PTPRT: variants seen among roughly 807,000 people sequenced by gnomAD.
PTPRT encodes the protein receptor-type tyrosine-protein phosphatase T.
Under a neutral mutation model 176.8 loss-of-function variants are expected in PTPRT, and 56 were observed. That is an observed-to-expected ratio of 0.32 (90% CI 0.26 to 0.40). PTPRT has a LOEUF of 0.40. PTPRT is among the 10% of genes least tolerant of loss of function. PTPRT has a pLI of 1.00. For missense variants in PTPRT, 1,540 were observed against 1,908.2 expected, an observed-to-expected ratio of 0.81 and a Z score of 3.60; for synonymous variants, 783 against 739.0, an observed-to-expected ratio of 1.06 and a Z score of -0.96.
chr20:42,126,240 C>G (rs558379851), intron 19 of PTPRT, among the ~76,000 whole-genome samples: 108 of 152,298 alleles, frequency 7.1e-4, no homozygotes, highest in Middle Eastern at 3.4e-3. Flanking sequence ...AGCCACCCAT[C>G]ATAGGACCCC....
At chr20:42,999,084 T>C (rs1383714306) in intron 1 of PTPRT, among the ~76,000 whole-genome samples, 1 of 152,212 alleles carries the variant, frequency 6.6e-6, no homozygotes, top group African/African-American at 2.4e-5. Flanking sequence ...CATCTCTTTA[T>C]AGGCAACTAA....
At chr20:42,812,099 C>T (rs1324599387) in intron 2 of PTPRT, among the ~76,000 whole-genome samples, 1 of 151,134 alleles carries the variant, frequency 6.6e-6, no homozygotes, top group East Asian at 1.9e-4. Context: ...GGAGGATATT[C>T]TTGTGTCTAG....
intron 9 of PTPRT, among the ~76,000 whole-genome samples, chr20:42,446,683 G>T (rs935853317): frequency 1.3e-5 from 2 of 150,322 alleles, no homozygotes; most frequent in Non-Finnish European, 3.0e-5. Flanking sequence ...GAAGTGACTG[G>T]ATTTTGTTTC....
rs2146291216 is a variant in PTPRT at position 42,110,386 on chromosome 20, G to A, written c.3201C>T (p.Arg1067=). 1 of 1,612,692 alleles carries A rather than the reference G, an allele frequency of 6.2e-7. No homozygotes were observed. The highest frequency in any genetic ancestry group is 8.5e-7 in the Non-Finnish European group (1 of 1,178,916). The change falls in exon 23 of 31, where the codon CGC becomes CGT. Residue 1067 remains arginine (R), a synonymous_variant. Transcript: ENST00000373187. ...CCGGGGGGTTGAGGAACTTGACCTG[G>A]CGGACGAAGCCCAGAAGGCCAGTGG... is the stretch of plus-strand genomic sequence containing the variant. ...CYATGLLGFV[R]QVKFLNPPEA...
intron 1 of PTPRT, among the ~76,000 whole-genome samples, chr20:43,020,019 A>G (rs1985585006): frequency 6.6e-6 from 1 of 151,534 alleles, no homozygotes; most frequent in Non-Finnish European, 1.5e-5. Flanking sequence ...CTCAGCCTCC[A>G]TAATTGAGTG....
intron 6 of PTPRT, among the ~76,000 whole-genome samples, chr20:42,689,437 G>A (rs912205028): frequency 6.6e-6 from 1 of 152,088 alleles, no homozygotes; most frequent in Non-Finnish European, 1.5e-5. Flanking sequence ...CACCTCCACG[G>A]ATAAAACCTC....
intron 11 of PTPRT, among the ~76,000 whole-genome samples, chr20:42,343,707 G>T (rs573746850): frequency 6.6e-6 from 1 of 152,220 alleles, no homozygotes; most frequent in Non-Finnish European, 1.5e-5. Flanking sequence ...ATCACCCCTG[G>T]AGATGAGTGT....
chr20:42,159,176 A>T (rs1989479321), intron 17 of PTPRT, among the ~76,000 whole-genome samples: 1 of 149,080 alleles, frequency 6.7e-6, no homozygotes. Context: ...TGTTATGACT[A>T]ATGTTGAATA....
intron 6 of PTPRT, among the ~76,000 whole-genome samples, chr20:42,681,528 T>C (rs1293484344): frequency 1.3e-5 from 2 of 152,180 alleles, no homozygotes; most frequent in African/African-American, 4.8e-5. Flanking sequence ...GGGGGTCCCC[T>C]AGTTCTCAGT....
intron 8 of PTPRT, among the ~76,000 whole-genome samples, chr20:42,454,603 T>A (rs1043982235): frequency 6.6e-6 from 1 of 152,258 alleles, no homozygotes; most frequent in African/African-American, 2.4e-5. Context: ...CTTTTAATGT[T>A]TGTTGGATAT....
At chr20:42,918,796 G>A (rs978986524) in intron 1 of PTPRT, among the ~76,000 whole-genome samples, 3 of 152,116 alleles carry the variant, frequency 2.0e-5, no homozygotes, top group Admixed American at 6.5e-5. Context: ...AAGGACTGGT[G>A]GTACTAGCTT....
intron 15 of PTPRT, among the ~76,000 whole-genome samples, chr20:42,225,222 A>G (rs2055978847): frequency 6.6e-6 from 1 of 151,842 alleles, no homozygotes; most frequent in Admixed American, 6.6e-5. Flanking sequence ...CTTAACCTAT[A>G]TCTGCTAGTT....
At chr20:42,819,100 C>T (rs919954711) in intron 2 of PTPRT, among the ~76,000 whole-genome samples, 5 of 152,128 alleles carry the variant, frequency 3.3e-5, no homozygotes, top group African/African-American at 1.2e-4. Flanking sequence ...ACACAGTCAT[C>T]AGATTCTCCA....
At position 42,076,164 on chromosome 20, in the gene PTPRT, G is replaced by A. The variant is rs530793580; in HGVS notation, c.*4715C>T. ...CCCATGCCTTACCCAGGAATTAATTGTGCCATAGTAATCTCGATTTCCTAA... is the reference window on the plus strand; with the variant it reads ...CCCATGCCTTACCCAGGAATTAATTATGCCATAGTAATCTCGATTTCCTAA... On this transcript the variant is annotated 3_prime_UTR_variant, in exon 31 of 31. Transcript: ENST00000373187. 3.9e-4 allele frequency: 79 copies of A among 202,772 alleles called. No individual in the cohort carries two copies. The highest frequency in any genetic ancestry group is 1.6e-3 in the African/African-American group (71 of 43,722). 12.6% of individuals were successfully genotyped at this position (202,772 alleles called of 1,614,324 possible). A position where few individuals can be genotyped will look rare whatever the true frequency, so the allele number is the denominator to read the frequency against.
intron 16 of PTPRT, among the ~76,000 whole-genome samples, chr20:42,166,824 G>A (rs1429986054): frequency 6.6e-6 from 1 of 152,126 alleles, no homozygotes; most frequent in Non-Finnish European, 1.5e-5. Flanking sequence ...GGGAGGCTGA[G>A]GCAGGGGAAT....
At chr20:42,358,392 G>A (rs2058386861) in intron 9 of PTPRT, among the ~76,000 whole-genome samples, 1 of 152,180 alleles carries the variant, frequency 6.6e-6, no homozygotes, top group Non-Finnish European at 1.5e-5. Context: ...AAGCTCTAGA[G>A]AATCCTCAGG....
intron 7 of PTPRT, among the ~76,000 whole-genome samples, chr20:42,640,129 A>C (rs1199953136): frequency 6.6e-6 from 1 of 152,150 alleles, no homozygotes; most frequent in African/African-American, 2.4e-5. Flanking sequence ...CACCAAGTCT[A>C]ACAAGTTCTT....
chr20:42,086,753 A>AAATATATATATATAT (rs1983991312), intron 27 of PTPRT, among the ~76,000 whole-genome samples: 1 of 95,542 alleles, frequency 1.0e-5, no homozygotes, highest in African/African-American at 4.9e-5. Flanking sequence ...AAAAAAAAAA[A>AAATATATATATATAT]ATATATATAT....
chr20:42,419,024 T>C (rs886964487), intron 9 of PTPRT, among the ~76,000 whole-genome samples: 1 of 152,168 alleles, frequency 6.6e-6, no homozygotes, highest in Non-Finnish European at 1.5e-5. Context: ...ATAATGAGTG[T>C]TGAAGAAACA....
Sources: allele counts gnomAD v4.1 joint callset (sites outside exome capture counted in the v4.1 genomes callset), GRCh38; gene constraint gnomAD v4.1.1; transcripts MANE v1.5; gene names NCBI Gene and HGNC (gene_info 2026-07-23, HGNC 2026-07-21).